The following KIAA1328 variants were observed in gnomAD, a reference collection of about 807,000 sequenced individuals.
KIAA1328 encodes protein hinderin.
Under a neutral mutation model 68.1 loss-of-function variants are expected in KIAA1328, and 52 were observed. That is an observed-to-expected ratio of 0.76 (90% CI 0.61 to 0.96). The LOEUF (loss-of-function observed/expected upper bound fraction) is 0.96, where lower values mean the gene tolerates loss of function less well. Among genes scored for constraint, KIAA1328 ranks in the 40% least tolerant of loss-of-function variants. The pLI is 0.00. For synonymous variants in KIAA1328, 232 were observed against 239.4 expected (o/e 0.97, Z 0.28); for missense variants, 641 against 677.6 (o/e 0.95, Z 0.60).
chr18:36,909,176 A>G (rs1568150549), intron 5 of KIAA1328, among the ~76,000 whole-genome samples: 1 of 152,120 alleles, frequency 6.6e-6, no homozygotes, highest in East Asian at 1.9e-4. Flanking sequence ...GTATATGTGC[A>G]CAATGTGCAG....
At chr18:36,958,762 T>G (rs901950629) in intron 5 of KIAA1328, among the ~76,000 whole-genome samples, 7 of 152,162 alleles carry the variant, frequency 4.6e-5, no homozygotes, top group Admixed American at 2.6e-4. Flanking sequence ...TTTCCAAATA[T>G]TTTCTCTCAT....
chr18:37,216,899 C>CTTTTTTTTTTTTTTTTT (rs762745405), intron 9 of KIAA1328, among the ~76,000 whole-genome samples: 1 of 90,360 alleles, frequency 1.1e-5, no homozygotes, highest in Non-Finnish European at 2.2e-5. Context: ...TTCTTTGTCT[C>CTTTTTTTTTTTTTTTTT]TTTTTTTTTT....
At chr18:37,077,967 G>A (rs2056805572) in intron 7 of KIAA1328, among the ~76,000 whole-genome samples, 1 of 152,028 alleles carries the variant, frequency 6.6e-6, no homozygotes, top group African/African-American at 2.4e-5. Flanking sequence ...TCACAGAATT[G>A]GAAAAAACTA....
chr18:37,219,246 G>T (rs540231341), intron 9 of KIAA1328, among the ~76,000 whole-genome samples: 1 of 152,290 alleles, frequency 6.6e-6, no homozygotes, highest in Admixed American at 6.5e-5. Flanking sequence ...GTGTCAGTCG[G>T]CCCCTACTGG....
chr18:37,132,490 A>G (rs2058546231), intron 7 of KIAA1328, among the ~76,000 whole-genome samples: 1 of 152,218 alleles, frequency 6.6e-6, no homozygotes, highest in Non-Finnish European at 1.5e-5. Flanking sequence ...GTTTACGTCC[A>G]TCTATTGCAT....
At chr18:36,978,150 A>G (rs1341479013) in intron 6 of KIAA1328, among the ~76,000 whole-genome samples, 2 of 152,212 alleles carry the variant, frequency 1.3e-5, no homozygotes, top group Non-Finnish European at 2.9e-5. Flanking sequence ...ATGCAATCTT[A>G]TAAGACTCAT....
At chr18:36,853,028 G>A (rs976515276) in intron 4 of KIAA1328, among the ~76,000 whole-genome samples, 2 of 152,126 alleles carry the variant, frequency 1.3e-5, no homozygotes, top group African/African-American at 4.8e-5. Context: ...TTGAGGAATT[G>A]ACTCTCTCTG....
chr18:37,229,592 C>G (rs1045338348), downstream of KIAA1328: 18 of 1,276,404 alleles, frequency 1.4e-5, no homozygotes, highest in Non-Finnish European at 1.8e-5. Context: ...AGTATCAAGT[C>G]CATCCAGGCG....
At chr18:36,843,374 C>G (rs553710741) in intron 3 of KIAA1328, among the ~76,000 whole-genome samples, 1 of 152,132 alleles carries the variant, frequency 6.6e-6, no homozygotes, top group East Asian at 1.9e-4. Context: ...GGTAATTGGA[C>G]TAACTTAACT....
At chr18:37,060,610 C>T (rs935610346) in intron 6 of KIAA1328, among the ~76,000 whole-genome samples, 13 of 152,074 alleles carry the variant, frequency 8.5e-5, no homozygotes, top group African/African-American at 2.7e-4. Flanking sequence ...TAAAGTTAAA[C>T]GTATGCCTAC....
At chr18:37,192,145 T>TTGTGTGTGTGTGTGTGTG (rs10667132) in intron 9 of KIAA1328, among the ~76,000 whole-genome samples, 4 of 144,738 alleles carry the variant, frequency 2.8e-5, no homozygotes, top group Non-Finnish European at 4.6e-5. Flanking sequence ...AGTCAAGAAA[T>TTGTGTGTGTGTGTGTGTG]TGTGTGTGTG....
intron 5 of KIAA1328, among the ~76,000 whole-genome samples, chr18:36,922,231 G>C (rs553019877): frequency 6.6e-6 from 1 of 152,150 alleles, no homozygotes; most frequent in African/African-American, 2.4e-5. Flanking sequence ...GCTGTGTCTA[G>C]AATGTAGTTG....
chr18:37,112,543 A>G (rs552476202), intron 7 of KIAA1328, among the ~76,000 whole-genome samples: 96 of 152,248 alleles, frequency 6.3e-4, no homozygotes, highest in Middle Eastern at 6.8e-3. Flanking sequence ...AACCACAAAG[A>G]TGGGGAGAAA....
intron 6 of KIAA1328, among the ~76,000 whole-genome samples, chr18:37,043,848 T>C (rs1188337690): frequency 6.6e-6 from 1 of 152,216 alleles, no homozygotes; most frequent in Non-Finnish European, 1.5e-5. Context: ...TCCCTGTTGC[T>C]GTCTCGTTCC....
chr18:37,214,354 A>T (rs1478748172), intron 9 of KIAA1328, among the ~76,000 whole-genome samples: 2 of 152,210 alleles, frequency 1.3e-5, no homozygotes, highest in Non-Finnish European at 2.9e-5. Context: ...ATCCAGTTTC[A>T]GCTTTCTACA....
chr18:37,132,925 A>G (rs2058555788), intron 7 of KIAA1328, among the ~76,000 whole-genome samples: 1 of 152,252 alleles, frequency 6.6e-6, no homozygotes. Flanking sequence ...GGAAGGAAAT[A>G]TTGATACATG....
At chr18:37,000,897 C>A (rs190543518) in intron 6 of KIAA1328, among the ~76,000 whole-genome samples, 28 of 151,624 alleles carry the variant, frequency 1.8e-4, no homozygotes, top group African/African-American at 6.8e-4. Flanking sequence ...AAAGCAGCAC[C>A]AAGAGGGAAT....
At chr18:36,867,323 G>A (rs1319481011) in intron 4 of KIAA1328, among the ~76,000 whole-genome samples, 1 of 152,206 alleles carries the variant, frequency 6.6e-6, no homozygotes, top group East Asian at 1.9e-4. Flanking sequence ...TTCACCATGT[G>A]AAGTGCCAGT....
At chr18:37,228,197 C>A (rs2060648982), downstream of KIAA1328, among the ~76,000 whole-genome samples, 1 of 152,146 alleles carries the variant, frequency 6.6e-6, no homozygotes, top group Non-Finnish European at 1.5e-5. Context: ...AAAGTGGTTT[C>A]TTGAGATGGA....
Sources: allele counts gnomAD v4.1 joint callset (sites outside exome capture counted in the v4.1 genomes callset), GRCh38; gene constraint gnomAD v4.1.1; transcripts MANE v1.5; gene names NCBI Gene and HGNC (gene_info 2026-07-23, HGNC 2026-07-21).